Variants in SBF2 observed in about 807,000 individuals in gnomAD.
SBF2 encodes myotubularin-related protein 13.
SBF2 carries 112 observed loss-of-function variants against 225.2 expected under a neutral mutation model. That is an observed-to-expected ratio of 0.50 (90% CI 0.43 to 0.58). The LOEUF is 0.58. Ranked by LOEUF, SBF2 falls within the 20% of genes least tolerant of loss-of-function variation. SBF2 has a pLI of 0.00. For missense variants in SBF2, 1,996 were observed against 2,206.2 expected, an observed-to-expected ratio of 0.90 and a Z score of 1.91; for synonymous variants, 763 against 773.3, an observed-to-expected ratio of 0.99 and a Z score of 0.22.
chr11:10,090,764 C>CAAA lies in SBF2; in HGVS notation c.142-47786_142-47784dup, dbSNP rs201577494. ...TGGGAGTCAGAGCAAGATTCCATCT[C>CAAA]AAAAAAAAAAAAAAAAAAAAAGCTA... On this transcript the variant is annotated intron_variant, in intron 2 of 39. Coordinates refer to ENST00000256190, the MANE Select transcript of SBF2 (RefSeq NM_030962.4). Among the ~76,000 whole-genome samples the CAAA allele has an allele frequency of 1.1e-3, 47 of 44,390 alleles. 3 individuals are homozygous for CAAA. Among genetic ancestry groups the CAAA allele is most frequent in the African/African-American group, 2.8e-3 (32 of 11,300 alleles). 29.1% of individuals were successfully genotyped at this position (44,390 alleles called of 152,430 possible).
chr11:9,974,391 A>T (rs1030986017), intron 13 of SBF2, among the ~76,000 whole-genome samples: 1 of 152,102 alleles, frequency 6.6e-6, no homozygotes, highest in Non-Finnish European at 1.5e-5. Context: ...TCCAACTGTG[A>T]CCACCAAAAA....
At chr11:10,201,733 C>T (rs1249653624) in intron 1 of SBF2, among the ~76,000 whole-genome samples, 1 of 152,216 alleles carries the variant, frequency 6.6e-6, no homozygotes, top group Non-Finnish European at 1.5e-5. Flanking sequence ...TACTGACTCA[C>T]GCCTGTAATC....
At chr11:10,032,788 G>C (rs935520139) in intron 3 of SBF2, among the ~76,000 whole-genome samples, 1 of 152,178 alleles carries the variant, frequency 6.6e-6, no homozygotes, top group Non-Finnish European at 1.5e-5. Context: ...TAAAATAAGG[G>C]CTAGGCCCAT....
At chr11:10,070,092 C>A (rs1211429031) in intron 2 of SBF2, among the ~76,000 whole-genome samples, 2 of 152,050 alleles carry the variant, frequency 1.3e-5, no homozygotes, top group South Asian at 4.2e-4. Context: ...AAATTTTTCT[C>A]CCATTCTGTA....
At chr11:10,109,899 G>C (rs539353866) in intron 2 of SBF2, among the ~76,000 whole-genome samples, 12 of 152,226 alleles carry the variant, frequency 7.9e-5, no homozygotes, top group East Asian at 1.9e-4. Flanking sequence ...TTTTTCATGA[G>C]GGAGAAATAT....
At chr11:10,213,971 G>A (rs1318263482) in intron 1 of SBF2, among the ~76,000 whole-genome samples, 1 of 152,212 alleles carries the variant, frequency 6.6e-6, no homozygotes, top group Non-Finnish European at 1.5e-5. Context: ...GACTATGACA[G>A]TCCTAGAGTT....
At chr11:9,951,247 T>C (rs775265269) in intron 16 of SBF2, among the ~76,000 whole-genome samples, 19 of 152,178 alleles carry the variant, frequency 1.2e-4, no homozygotes, top group South Asian at 2.1e-4. Flanking sequence ...ACTGTAGATA[T>C]AGGCAGGGGC....
At chr11:10,116,100 C>G (rs375694785) in intron 2 of SBF2, among the ~76,000 whole-genome samples, 1 of 151,920 alleles carries the variant, frequency 6.6e-6, no homozygotes, top group Non-Finnish European at 1.5e-5. Flanking sequence ...ACCTGGGAGG[C>G]GGAGCTTGCC....
chr11:10,242,874 T>C (rs1289352555), intron 1 of SBF2, among the ~76,000 whole-genome samples: 2 of 152,102 alleles, frequency 1.3e-5, no homozygotes, highest in South Asian at 4.1e-4. Context: ...TAGATAGCAA[T>C]AGAAAAATAC....
intron 16 of SBF2, among the ~76,000 whole-genome samples, chr11:9,902,425 C>G (rs956946860): frequency 7.2e-5 from 11 of 152,178 alleles, no homozygotes; most frequent in African/African-American, 2.2e-4. Flanking sequence ...TATCCCACCT[C>G]TTTAGGACGA....
At chr11:10,114,724 C>A (rs953072712) in intron 2 of SBF2, among the ~76,000 whole-genome samples, 5 of 152,178 alleles carry the variant, frequency 3.3e-5, no homozygotes, top group African/African-American at 1.2e-4. Flanking sequence ...CCATTATGAT[C>A]CCATTGTCCT....
At chr11:9,889,907 C>T (rs900730117) in intron 17 of SBF2, among the ~76,000 whole-genome samples, 23 of 151,984 alleles carry the variant, frequency 1.5e-4, no homozygotes, top group Non-Finnish European at 3.2e-4. Context: ...TTATTTATTT[C>T]TATTTTTTAT....
At chr11:9,937,194 T>G (rs570151392) in intron 16 of SBF2, among the ~76,000 whole-genome samples, 1 of 152,074 alleles carries the variant, frequency 6.6e-6, no homozygotes. Context: ...CAGCACAATA[T>G]ATGCAAATAC....
chr11:10,233,626 A>T (rs76262113), intron 1 of SBF2, among the ~76,000 whole-genome samples: 1 of 146,712 alleles, frequency 6.8e-6, no homozygotes, highest in African/African-American at 2.5e-5. Flanking sequence ...AAAAAAAAAA[A>T]GGTATTGATT....
At chr11:10,052,319 T>G (rs772418020) in intron 2 of SBF2, among the ~76,000 whole-genome samples, 5 of 152,180 alleles carry the variant, frequency 3.3e-5, no homozygotes, top group Non-Finnish European at 7.4e-5. Context: ...ACCGTTTTGA[T>G]ACCTGCATGA....
intron 1 of SBF2, among the ~76,000 whole-genome samples, chr11:10,259,741 C>A (rs1249313217): frequency 6.6e-6 from 1 of 151,908 alleles, no homozygotes; most frequent in Non-Finnish European, 1.5e-5. Flanking sequence ...GATTCCGAAA[C>A]ATAACATATT....
At chr11:10,140,257 C>G (rs11606561) in intron 2 of SBF2, among the ~76,000 whole-genome samples, 33,544 of 152,094 alleles carry the variant, frequency 0.22, 4,289 homozygotes, top group Non-Finnish European at 0.3. Flanking sequence ...TCCTGAAGAG[C>G]CTCCGGTTGG....
intron 2 of SBF2, among the ~76,000 whole-genome samples, chr11:10,060,427 T>A (rs1950395461): frequency 6.6e-6 from 1 of 152,162 alleles, no homozygotes; most frequent in African/African-American, 2.4e-5. Context: ...AACTGACGGA[T>A]TCACAGCTGA....
At chr11:9,992,792 T>C (rs982933715) in intron 11 of SBF2, among the ~76,000 whole-genome samples, 198 bp downstream of exon 11, 1 of 149,062 alleles carries the variant, frequency 6.7e-6, no homozygotes, top group Non-Finnish European at 1.5e-5. Flanking sequence ...AAAAGAAAAA[T>C]TGATTTAAAG....
Sources: gnomAD v4.1 joint callset for allele counts (sites outside exome capture counted in the v4.1 genomes callset) on GRCh38, gnomAD v4.1.1 for gene constraint, MANE v1.5 for transcripts, NCBI Gene and HGNC (gene_info 2026-07-23, HGNC 2026-07-21) for gene names.